Variants in HLA-F observed in about 807,000 individuals in gnomAD.
The protein encoded by HLA-F is HLA class I histocompatibility antigen, alpha chain F.
HLA-F carries 46 observed loss-of-function variants against 49.5 expected under a neutral mutation model. That is an observed-to-expected ratio of 0.93 (90% CI 0.73 to 1.19). The LOEUF (loss-of-function observed/expected upper bound fraction) is 1.19. HLA-F is among the 50% of genes most tolerant of loss of function. HLA-F has a pLI of 0.00. For synonymous variants in HLA-F, 203 were observed against 233.5 expected, an observed-to-expected ratio of 0.87 and a Z score of 1.19; for missense variants, 496 against 579.6, an observed-to-expected ratio of 0.86 and a Z score of 1.48.
At chr6:29,727,422 A>G (rs143726784), downstream of HLA-F, 4,847 of 422,310 alleles carry the variant, frequency 0.011, 73 homozygotes, top group African/African-American at 0.042. Context: ...ATTACCTACA[A>G]TCTATAACAA....
intron 3 of HLA-F, among the ~76,000 whole-genome samples, chr6:29,737,571 C>T (rs1426560530): frequency 1.3e-5 from 2 of 152,118 alleles, no homozygotes; most frequent in African/African-American, 2.4e-5. Flanking sequence ...AGGTCAGCTG[C>T]CAAACTTCTC....
intron 5 of HLA-F, 143 bp from the exon 6 acceptor site, chr6:29,725,868 T>C: frequency 1.1e-6 from 1 of 917,268 alleles, no homozygotes; most frequent in Non-Finnish European, 1.7e-6. Flanking sequence ...CACATCTGCT[T>C]TCTTCATATT....
downstream of HLA-F, among the ~76,000 whole-genome samples, chr6:29,731,236 G>GATAGATAA (rs1776568320): frequency 2.1e-5 from 1 of 47,860 alleles, no homozygotes; most frequent in African/African-American, 5.3e-5. Flanking sequence ...TGGATACATA[G>GATAGATAA]ATAGATAGAT....
Position 29,726,053 on chromosome 6 carries a change from A to C in HLA-F, c.1036+10A>C. 1 of 1,613,026 alleles carries C rather than the reference A, an allele frequency of 6.2e-7. No homozygotes were observed. Among genetic ancestry groups the C allele is most frequent in the Non-Finnish European group, 8.5e-7 (1 of 1,178,944 alleles). On this transcript the variant is annotated intron_variant, in intron 6 of 6. Coordinates refer to ENST00000259951, the MANE Select transcript of HLA-F (RefSeq NM_001098479.2). ...TACTCTCAGGCTGCAGGTAAGATGA[A>C]GGAGGCTGATCCCTGAGATTGTTGG...
chr6:29,737,229 A>AAAAAAAAC, intron 3 of HLA-F, among the ~76,000 whole-genome samples: 1 of 150,670 alleles, frequency 6.6e-6, no homozygotes, highest in South Asian at 2.1e-4. Context: ...AAAAAAAAAA[A>AAAAAAAAC]AAAAAAAAAA....
chr6:29,734,037 C>G (rs1776846331), intron 3 of HLA-F, among the ~76,000 whole-genome samples: 1 of 152,184 alleles, frequency 6.6e-6, no homozygotes, highest in African/African-American at 2.4e-5. Flanking sequence ...CTCCTGCAGG[C>G]CCCCTGGGCA....
chr6:29,732,859 A>G (rs1776742697), intron 3 of HLA-F, among the ~76,000 whole-genome samples: 1 of 151,732 alleles, frequency 6.6e-6, no homozygotes, highest in Admixed American at 6.6e-5. Context: ...GCAACCTTGT[A>G]CAATAAAGAT....
At chr6:29,727,347 G>A (rs1017407521), downstream of HLA-F, 2 of 503,434 alleles carry the variant, frequency 4.0e-6, no homozygotes, top group East Asian at 3.2e-5. Context: ...GTACATTTTT[G>A]TACCTATTTT....
chr6:29,730,618 T>A (rs547606687), downstream of HLA-F, among the ~76,000 whole-genome samples: 57 of 152,270 alleles, frequency 3.7e-4, no homozygotes, highest in African/African-American at 1.3e-3. Flanking sequence ...ACTCCTCTCC[T>A]GCCACCACCC....
intron 5 of HLA-F, 105 bp from the exon 6 acceptor site, chr6:29,725,906 A>C: frequency 1.6e-6 from 2 of 1,246,534 alleles, no homozygotes; most frequent in Non-Finnish European, 2.3e-6. Flanking sequence ...ATCTACAGTT[A>C]CACTTTTCTG....
Position 29,724,335 on chromosome 6 carries a change from G to A in HLA-F, c.497G>A (p.Arg166His), listed in dbSNP as rs753225754. ...GACACCGTGGCTCAGATCACCCAGCGCTTCTATGAGGCAGAGGAATATGCA... is the reference window on the plus strand; with the variant it reads ...GACACCGTGGCTCAGATCACCCAGCACTTCTATGAGGCAGAGGAATATGCA... The part of the protein sequence containing the change: ...AADTVAQITQ[R>H]FYEAEEYAEE... The change falls in exon 3 of 7, where the codon CGC (arginine) becomes CAC (histidine). Residue 166 changes from arginine (R) to histidine (H), a missense_variant. By Grantham distance (29) the Arg-to-His change is conservative. Transcript: ENST00000259951. 13 of 1,613,126 alleles carry A rather than the reference G, an allele frequency of 8.1e-6. No individual in the cohort carries two copies. Among genetic ancestry groups the A allele is most frequent in the African/African-American group, 1.3e-5 (1 of 74,944 alleles).
intron 2 of HLA-F, 50 bp from the exon 3 acceptor site, chr6:29,724,123 G>A (rs751049741): frequency 5.6e-5 from 90 of 1,603,878 alleles, no homozygotes; most frequent in Non-Finnish European, 7.5e-5. Context: ...CGGGTTGGGC[G>A]GGGAGGGGGC....
At chr6:29,736,348 T>G (rs1777098852) in intron 3 of HLA-F, 1 of 446,744 alleles carries the variant, frequency 2.2e-6, no homozygotes, top group Non-Finnish European at 4.5e-6. Context: ...GATTCTCCTC[T>G]TAATGTCTGA....
At chr6:29,728,104 T>C, downstream of HLA-F, 1 of 518,626 alleles carries the variant, frequency 1.9e-6, no homozygotes, top group Non-Finnish European at 3.9e-6. Context: ...TTGTGGGGAA[T>C]GACCAGGGAT....
chr6:29,725,921 C>T, intron 5 of HLA-F, 90 bp from the exon 6 acceptor site: 1 of 1,421,026 alleles, frequency 7.0e-7, no homozygotes, highest in Admixed American at 1.8e-5. Context: ...TTTCTGGAAA[C>T]TTCTCTGGGA....
intron 3 of HLA-F, 89 bp downstream of exon 3, chr6:29,724,537 T>C: frequency 7.5e-7 from 1 of 1,335,962 alleles, no homozygotes; most frequent in African/African-American, 1.4e-5. Flanking sequence ...GACCCAATGC[T>C]AGGATATCGC....
At chr6:29,736,211 C>T in intron 3 of HLA-F, 1 of 357,856 alleles carries the variant, frequency 2.8e-6, no homozygotes, top group South Asian at 2.2e-5. Flanking sequence ...TCATGCACTA[C>T]TGGGGCATCA....
Position 29,727,048 on chromosome 6 carries a change from C to A in HLA-F, c.1202C>A (p.Ser401Tyr). 6.2e-7 allele frequency: 1 copy of A among 1,613,260 alleles called. No individual in the cohort carries two copies. ...WILFFLWLWT[S>Y]FNTAFLALQS... ...TTGTTTTTTTTGTGGCTGTGGACAT[C>A]TTTCAACACTGCCTTCTTGGCCTTG... Residue 401 changes from serine (S) to tyrosine (Y), a missense_variant, in exon 7 of 7, where the codon TCT becomes TAT. Transcript: ENST00000259951.
chr6:29,726,579 G>GTA, intron 6 of HLA-F: 2 of 1,522,296 alleles, frequency 1.3e-6, no homozygotes, highest in Admixed American at 3.9e-5. Flanking sequence ...GTGTGTGTGT[G>GTA]TGTGAAGAGA....
Sources: allele counts gnomAD v4.1 joint callset (sites outside exome capture counted in the v4.1 genomes callset), GRCh38; gene constraint gnomAD v4.1.1; transcripts MANE v1.5; gene names NCBI Gene and HGNC (gene_info 2026-07-23, HGNC 2026-07-21).